The following LRRCC1 variants were observed in gnomAD, a reference collection of about 807,000 sequenced individuals.
LRRCC1 encodes leucine-rich repeat and coiled-coil domain-containing protein 1.
A neutral mutation model predicts 126.0 loss-of-function variants in LRRCC1; 115 were observed. The ratio of observed to expected loss-of-function variants is 0.91; its 90% CI spans 0.78 to 1.07. The LOEUF (loss-of-function observed/expected upper bound fraction) is 1.07. LRRCC1 is among the 50% of genes least tolerant of loss of function. LRRCC1 has a pLI of 0.00. For missense variants in LRRCC1, 1,172 were observed against 1,175.7 expected, an observed-to-expected ratio of 1.00 and a Z score of 0.05; for synonymous variants, 400 against 393.4, an observed-to-expected ratio of 1.02 and a Z score of -0.20.
rs768772031 is a variant in LRRCC1 at position 85,129,997 on chromosome 8, C to T, written c.1705C>T (p.Arg569Ter). The T allele has an allele frequency of 1.6e-5, 25 of 1,601,562 alleles. No individual in the cohort carries two copies. The Middle Eastern group carries it at 5.0e-4, about 32-fold the overall frequency. Reference sequence around the variant, plus strand: ...ATACTTACTTAGAACTTCCCTTCATCGAGAAAGAGAACAAGCGCAACAACT... The same window carrying T: ...ATACTTACTTAGAACTTCCCTTCATTGAGAAAGAGAACAAGCGCAACAACT... Reference protein sequence around the residue: ...EIYLLRTSLHREREQAQQLHQ... With the variant: ...EIYLLRTSLH Residue 569 changes from arginine (R) to a stop codon, truncating the protein, a stop_gained, in exon 11 of 19, where the codon CGA becomes TGA. Coordinates refer to ENST00000360375, the MANE Select transcript of LRRCC1 (RefSeq NM_033402.5). LOFTEE classifies it high-confidence loss of function.
At chr8:85,137,657 AGCAAATG>A (rs1410151790) in intron 15 of LRRCC1, 30 bp downstream of exon 15, 1 of 1,362,586 alleles carries the variant, frequency 7.3e-7, no homozygotes, top group African/African-American at 1.5e-5. Flanking sequence ...TTGGTTAAAG[AGCAAATG>A]GCAGGTTTGC....
chr8:85,113,855 T>C lies in LRRCC1; in HGVS notation c.544+756T>C, dbSNP rs79624756. ...TTGACAAAGATAAAGCAGACCAGAC[T>C]ACCATTTCTAGAACTCACTTATCTC... On this transcript the variant is annotated intron_variant, in intron 4 of 18. Coordinates refer to ENST00000360375, the MANE Select transcript of LRRCC1 (RefSeq NM_033402.5). Among the ~76,000 whole-genome samples the C allele has an allele frequency of 3.2e-3, 484 of 152,268 alleles. 3 individuals carry two copies. The highest frequency in any genetic ancestry group is 0.011 in the African/African-American group (465 of 41,568).
At chr8:85,127,151 C>T (rs1365668734) in intron 9 of LRRCC1, among the ~76,000 whole-genome samples, 1 of 152,170 alleles carries the variant, frequency 6.6e-6, no homozygotes, top group Admixed American at 6.5e-5. Flanking sequence ...CAGGCATTGG[C>T]AGCCTTTTTC....
At chr8:85,142,179 AGCTACTCG>A (rs1811298623) in intron 18 of LRRCC1, among the ~76,000 whole-genome samples, 1 of 152,032 alleles carries the variant, frequency 6.6e-6, no homozygotes, top group Non-Finnish European at 1.5e-5. Flanking sequence ...CTGTAATTCC[AGCTACTCG>A]GGAGGCTGAG....
At chr8:85,141,791 A>G (rs1811269657) in intron 18 of LRRCC1, among the ~76,000 whole-genome samples, 1 of 152,192 alleles carries the variant, frequency 6.6e-6, no homozygotes, top group Non-Finnish European at 1.5e-5. Context: ...ATATCTAACT[A>G]ATCTTGGATA....
intron 6 of LRRCC1, among the ~76,000 whole-genome samples, chr8:85,119,300 C>T (rs1179996403): frequency 1.3e-5 from 2 of 152,026 alleles, no homozygotes. Context: ...TCTTTCATTA[C>T]TGATATTGGC....
In LRRCC1 at chr8:85,135,947, T is replaced by A. The variant is rs1469310133; in HGVS notation, c.2313T>A (p.His771Gln). 1 of 1,572,300 alleles carries A rather than the reference T, an allele frequency of 6.4e-7. No homozygotes were observed. Among genetic ancestry groups the A allele is most frequent in the Admixed American group, 1.8e-5 (1 of 54,096 alleles). The change falls in exon 14 of 19, where the codon CAT becomes CAA. Residue 771 changes from histidine to glutamine, a missense_variant. Transcript: ENST00000360375. ...GGACAGAAAGAAAAGTATGGGGACA[T>A]GAGCTGGCACAACAAGGTAAAATTC... is the stretch of plus-strand genomic sequence containing the variant. ...GLRTERKVWG[H>Q]ELAQQGSSLA...
intron 13 of LRRCC1, among the ~76,000 whole-genome samples, 178 bp from the exon 14 acceptor site, chr8:85,135,611 C>T (rs755384084): frequency 7.9e-5 from 12 of 151,770 alleles, no homozygotes; most frequent in Admixed American, 6.6e-4. Context: ...ATCTTAAATT[C>T]GACTGTTTAT....
At chr8:85,142,178 C>T (rs1811298411) in intron 18 of LRRCC1, among the ~76,000 whole-genome samples, 1 of 151,922 alleles carries the variant, frequency 6.6e-6, no homozygotes, top group African/African-American at 2.4e-5. Context: ...CCTGTAATTC[C>T]AGCTACTCGG....
At chr8:85,114,964 T>G in intron 4 of LRRCC1, 136 bp from the exon 5 acceptor site, 1 of 582,622 alleles carries the variant, frequency 1.7e-6, no homozygotes, top group Non-Finnish European at 2.9e-6. Flanking sequence ...AGAAGTTGAA[T>G]AAGTAACAAG....
Position 85,128,980 on chromosome 8 carries a change from T to A in LRRCC1, c.1422-195T>A, listed in dbSNP as rs114400612. Among the ~76,000 whole-genome samples the A allele has an allele frequency of 6.6e-3, 1,008 of 152,292 alleles. 13 individuals are homozygous for A. The highest frequency in any genetic ancestry group is 0.023 in the African/African-American group (960 of 41,566). On this transcript the variant is annotated intron_variant, in intron 9 of 18. Transcript: ENST00000360375. ...CCTTAACTGTTGCTTAGATGATTGT[T>A]CCATTTCTGTTTCTCTGTGGCTTTC...
Position 85,129,362 on chromosome 8 carries a change from C to G in LRRCC1, c.1609C>G (p.Gln537Glu), listed in dbSNP as rs748329502. ...AGAAAAAATGGAGAGACAAAAAAGG[C>G]AGCAGCAGGCAGCACAGGTATTTCT... is the stretch of plus-strand genomic sequence containing the variant. Reference protein sequence around the residue: ...TLEKMERQKRQQQAAQIRLIQ... With the variant: ...TLEKMERQKREQQAAQIRLIQ... Residue 537 changes from glutamine to glutamate, a missense_variant, in exon 10 of 19, where the codon CAG (glutamine) becomes GAG (glutamate). Coordinates refer to ENST00000360375, the MANE Select transcript of LRRCC1 (RefSeq NM_033402.5). 1.2e-6 allele frequency: 2 copies of G among 1,610,654 alleles called. No homozygotes were observed. Among genetic ancestry groups the G allele is most frequent in the Non-Finnish European group, 8.5e-7 (1 of 1,179,040 alleles).
rs763610931 is a variant in LRRCC1, at chr8:85,135,963, G to A, written c.2329G>A (p.Gly777Arg). 5 of 1,551,708 alleles carry A rather than the reference G, an allele frequency of 3.2e-6. No homozygotes were observed. Among genetic ancestry groups the A allele is most frequent in the Admixed American group, 3.9e-5 (2 of 50,638 alleles). ...ATGGGGACATGAGCTGGCACAACAA[G>A]GTAAAATTCTCAGATTTTCAAAGGG... ...KVWGHELAQQ[G>R]SSLAQNRGKL... is the part of the protein sequence containing the mutation. Residue 777 changes from glycine (G) to arginine (R), a missense_variant and splice_region_variant, in exon 14 of 19, where the codon GGA becomes AGA. Gly to Arg is a moderately radical substitution (Grantham distance 125, BLOSUM62 -2). Coordinates refer to ENST00000360375, the MANE Select transcript of LRRCC1 (RefSeq NM_033402.5).
At chr8:85,111,261 C>T (rs921807318) in intron 3 of LRRCC1, among the ~76,000 whole-genome samples, 6 of 152,124 alleles carry the variant, frequency 3.9e-5, no homozygotes, top group Admixed American at 1.3e-4. Context: ...CCTGTAATCC[C>T]AGCTACTCAG....
intron 4 of LRRCC1, among the ~76,000 whole-genome samples, chr8:85,113,458 G>A (rs1364489635): frequency 6.6e-6 from 1 of 151,982 alleles, no homozygotes; most frequent in Admixed American, 6.6e-5. Context: ...ACATTAAGAG[G>A]AAGAAAAGCA....
chr8:85,143,570 T>A (rs1421499639), intron 18 of LRRCC1, among the ~76,000 whole-genome samples: 2 of 151,792 alleles, frequency 1.3e-5, no homozygotes, highest in African/African-American at 4.8e-5. Flanking sequence ...ACCCAGGAGT[T>A]CGGGACTATG....
intron 8 of LRRCC1, among the ~76,000 whole-genome samples, chr8:85,125,692 G>C (rs545989292): frequency 1.4e-5 from 1 of 70,410 alleles, no homozygotes; most frequent in South Asian, 4.0e-4. Flanking sequence ...AAAAAAAAGA[G>C]GTGTTCAAAA....
In LRRCC1 at chr8:85,107,318, T is replaced by TGGC. The variant is rs1011709095; in HGVS notation, c.27_29dup (p.Ala10dup). ...GCTATGGAGGCGGCGGCGGCGGTGGTGGCGGCAGAGGCGGAAGTGGAAAAC... is the reference window on the plus strand; with the variant it reads ...GCTATGGAGGCGGCGGCGGCGGTGGTGGCGGCGGCAGAGGCGGAAGTGGAAAAC... On this transcript the variant is annotated inframe_insertion, in exon 1 of 19. Transcript: ENST00000360375. The TGGC allele has an allele frequency of 1.9e-6, 3 of 1,612,376 alleles. No individual in the cohort carries two copies. In the African/African-American group the frequency reaches 4.0e-5, roughly 22 times the overall value.
At chr8:85,126,935 C>A in intron 9 of LRRCC1, 98 bp downstream of exon 9, 1 of 1,029,786 alleles carries the variant, frequency 9.7e-7, no homozygotes. Context: ...CAATCAACAA[C>A]AATGTATGTG....
Sources: allele counts gnomAD v4.1 joint callset (sites outside exome capture counted in the v4.1 genomes callset), GRCh38; gene constraint gnomAD v4.1.1; transcripts MANE v1.5; gene names NCBI Gene and HGNC (gene_info 2026-07-23, HGNC 2026-07-21).